Variants in ANKRD11 observed in about 807,000 individuals in gnomAD.
ANKRD11 encodes ankyrin repeat domain-containing protein 11.
In ANKRD11, 17 loss-of-function variants were observed where a neutral mutation model predicts 195.7. The observed-to-expected ratio is 0.09, with a 90% CI of 0.06 to 0.13. The LOEUF is 0.13. Ranked by LOEUF, ANKRD11 falls within the 10% of genes least tolerant of loss-of-function variation. The pLI is 1.00. For missense variants in ANKRD11, 3,735 were observed against 3,566.1 expected, an observed-to-expected ratio of 1.05 and a Z score of -1.21; for synonymous variants, 1,953 against 1,528.1, an observed-to-expected ratio of 1.28 and a Z score of -6.49.
intron 4 of ANKRD11, among the ~76,000 whole-genome samples, chr16:89,296,957 G>A (rs1411855965): frequency 6.6e-6 from 1 of 152,210 alleles, no homozygotes; most frequent in East Asian, 1.9e-4. Flanking sequence ...TAGCTGGGGG[G>A]ACAGTGTCTA....
intron 2 of ANKRD11, among the ~76,000 whole-genome samples, chr16:89,389,553 G>A (rs1423116365): frequency 1.3e-5 from 2 of 152,150 alleles, no homozygotes; most frequent in Non-Finnish European, 2.9e-5. Context: ...AAAAGACACT[G>A]GAATGAACCT....
chr16:89,398,126 G>A (rs1567749240), intron 2 of ANKRD11, among the ~76,000 whole-genome samples: 2 of 150,826 alleles, frequency 1.3e-5, no homozygotes, highest in Non-Finnish European at 2.9e-5. Context: ...GCTGACAAGA[G>A]GGACACTGTG....
chr16:89,475,778 G>C (rs148325319), intron 1 of ANKRD11, among the ~76,000 whole-genome samples: 1 of 152,066 alleles, frequency 6.6e-6, no homozygotes, highest in African/African-American at 2.4e-5. Flanking sequence ...GGCCAGGTGC[G>C]GGGGCTCACA....
chr16:89,270,739 A>T lies in ANKRD11; in HGVS notation c.7806+78T>A, dbSNP rs184977719. 1.9e-3 allele frequency: 2,728 copies of T among 1,415,588 alleles called. 50 individuals are homozygous for T. The African/African-American group carries it at 0.037, about 19-fold the overall frequency. 87.7% of individuals were successfully genotyped at this position (1,415,588 alleles called of 1,614,324 possible). A position where few individuals can be genotyped will look rare whatever the true frequency, so the allele number is the denominator to read the frequency against. On this transcript the variant is annotated intron_variant, in intron 12 of 12. Transcript: ENST00000301030. ...CAGCGGCCTCCCCCCAGGCAGCGCA[A>T]AGGGGGTTGTCACCACCCATCACAG...
chr16:89,335,142 T>C (rs1208631290), intron 2 of ANKRD11, among the ~76,000 whole-genome samples: 2 of 152,168 alleles, frequency 1.3e-5, no homozygotes, highest in African/African-American at 4.8e-5. Flanking sequence ...TGATGCCCCA[T>C]GTCCGGCCTG....
At chr16:89,302,649 T>C (rs1287260156) in intron 4 of ANKRD11, among the ~76,000 whole-genome samples, 1 of 152,206 alleles carries the variant, frequency 6.6e-6, no homozygotes, top group Non-Finnish European at 1.5e-5. Flanking sequence ...CTAGGAAATC[T>C]AGTTTTGCAA....
At chr16:89,468,177 G>C (rs1409724455) in intron 1 of ANKRD11, among the ~76,000 whole-genome samples, 1 of 152,178 alleles carries the variant, frequency 6.6e-6, no homozygotes, top group Non-Finnish European at 1.5e-5. Context: ...GTGTTAACTT[G>C]AAAAGGAAAA....
chr16:89,357,571 G>C (rs1253199464), intron 2 of ANKRD11, among the ~76,000 whole-genome samples: 7 of 152,272 alleles, frequency 4.6e-5, no homozygotes, highest in Middle Eastern at 3.4e-3. Flanking sequence ...GTTGTACTTC[G>C]ACGTTCACAG....
chr16:89,286,822 C>A (rs1348407642), intron 7 of ANKRD11: 3 of 1,287,264 alleles, frequency 2.3e-6, no homozygotes, highest in Non-Finnish European at 3.0e-6. Flanking sequence ...ATTTCCTATG[C>A]CCAGAACAGC....
At chr16:89,479,331 C>T (rs1192972013) in intron 1 of ANKRD11, among the ~76,000 whole-genome samples, 1 of 152,028 alleles carries the variant, frequency 6.6e-6, no homozygotes, top group Non-Finnish European at 1.5e-5. Flanking sequence ...ACACATGTGA[C>T]CTGATATAAA....
intron 3 of ANKRD11, among the ~76,000 whole-genome samples, chr16:89,311,142 G>A (rs2036587442): frequency 6.6e-6 from 1 of 152,200 alleles, no homozygotes; most frequent in Admixed American, 6.5e-5. Context: ...TGCTGCATTA[G>A]TTGGTATGAT....
chr16:89,287,883 T>C (rs1015937365), intron 7 of ANKRD11: 3 of 339,158 alleles, frequency 8.8e-6, no homozygotes, highest in Non-Finnish European at 1.6e-5. Context: ...TGGCCCCGTG[T>C]GACCCCTCAG....
rs1420657749 is a variant in ANKRD11, at chr16:89,282,722, C to A, written c.3820G>T (p.Ala1274Ser). The stretch of plus-strand genomic sequence containing the variant: ...TCAAGCAGGCTTTTTTCCGCGTCGG[C>A]ACTTCTCGAGGACTTCCTCTCCTTG... ...HSKERKSSRS[A>S]DAEKSLLEKL... is the part of the protein sequence containing the mutation. Residue 1274 changes from alanine to serine, a missense_variant, in exon 9 of 13, where the codon GCC (alanine) becomes TCC (serine). Physicochemically the swap from Ala to Ser is moderately conservative, Grantham distance 99 (BLOSUM62 1). Transcript: ENST00000301030. 6.2e-7 allele frequency: 1 copy of A among 1,614,020 alleles called. No individual in the cohort carries two copies. Among genetic ancestry groups the A allele is most frequent in the African/African-American group, 1.3e-5 (1 of 75,032 alleles).
At chr16:89,324,183 G>T in intron 2 of ANKRD11, 1 of 1,163,538 alleles carries the variant, frequency 8.6e-7, no homozygotes, top group South Asian at 1.6e-5. Flanking sequence ...ACGGCGGGGG[G>T]TGGCAGCACC....
At chr16:89,355,126 C>G (rs902062114) in intron 2 of ANKRD11, among the ~76,000 whole-genome samples, 1 of 152,212 alleles carries the variant, frequency 6.6e-6, no homozygotes, top group African/African-American at 2.4e-5. Context: ...CCTGTGGTCT[C>G]CCGTCTGGCC....
In ANKRD11 at chr16:89,280,806, G is replaced by T. The variant is rs765117665; in HGVS notation, c.5736C>A (p.Asp1912Glu). The change falls in exon 9 of 13, where the codon GAC becomes GAA. Residue 1912 changes from aspartate (D) to glutamate (E), a missense_variant. Physicochemically the swap from Asp to Glu is conservative, Grantham distance 45. Coordinates refer to ENST00000301030, the MANE Select transcript of ANKRD11 (RefSeq NM_013275.6). ...SLEGALPPDL[D>E]TSEDQQATAA... ...CCGTCGCCTGCTGGTCCTCGGAGGT[G>T]TCCAGGTCCGGGGGAAGGGCCCCTT... 106 of 1,606,800 alleles carry T rather than the reference G, an allele frequency of 6.6e-5. No individual in the cohort carries two copies. Among genetic ancestry groups the T allele is most frequent in the Non-Finnish European group, 8.0e-5 (94 of 1,174,542 alleles).
chr16:89,485,248 C>A (rs1007822985), intron 1 of ANKRD11, among the ~76,000 whole-genome samples: 9 of 151,762 alleles, frequency 5.9e-5, no homozygotes, highest in Admixed American at 1.3e-4. Context: ...CTTTGGGAGG[C>A]CAAGACGGCT....
rs1405415552 is a variant in ANKRD11, at chr16:89,267,684, A to ATAAG, written c.*790_*793dup. 1.3e-5 allele frequency: 2 copies of ATAAG among 152,384 alleles called. No individual in the cohort carries two copies. 9.4% of individuals were successfully genotyped at this position (152,384 alleles called of 1,614,324 possible). ...ATAACTGAAAGTGATGTTACAGTAC[A>ATAAG]TAAGTTATTTACAACTGTGCAGTAA... On this transcript the variant is annotated 3_prime_UTR_variant, in exon 13 of 13. Transcript: ENST00000301030.
chr16:89,282,684 T>C lies in ANKRD11; in HGVS notation c.3858A>G (p.Glu1286=). Residue 1286 remains glutamate, a synonymous_variant, in exon 9 of 13, where the codon GAA becomes GAG. Coordinates refer to ENST00000301030, the MANE Select transcript of ANKRD11 (RefSeq NM_013275.6). ...CTTCTCTGTACTCATGGAGAGCCTCTTCTTCCAACTTTTCAAGCAGGCTTT... is the reference window on the plus strand; with the variant it reads ...CTTCTCTGTACTCATGGAGAGCCTCCTCTTCCAACTTTTCAAGCAGGCTTT... The part of the protein sequence containing the change: ...AEKSLLEKLE[E]EALHEYREDS... The C allele has an allele frequency of 6.2e-7, 1 of 1,614,178 alleles. No homozygotes were observed. The highest frequency in any genetic ancestry group is 8.5e-7 in the Non-Finnish European group (1 of 1,180,032).
Sources: allele counts gnomAD v4.1 joint callset (sites outside exome capture counted in the v4.1 genomes callset), GRCh38; gene constraint gnomAD v4.1.1; transcripts MANE v1.5; gene names NCBI Gene and HGNC (gene_info 2026-07-23, HGNC 2026-07-21).